FOXO1: variants seen among roughly 807,000 people sequenced by gnomAD.
FOXO1 encodes the protein forkhead box protein O1.
A neutral mutation model predicts 44.1 loss-of-function variants in FOXO1; 6 were observed. That is an observed-to-expected ratio of 0.14 (90% CI 0.07 to 0.27). The LOEUF is 0.27. Among genes scored for constraint, FOXO1 ranks in the 10% least tolerant of loss-of-function variants. The pLI is 1.00. For missense variants in FOXO1, 737 were observed against 888.8 expected, an observed-to-expected ratio of 0.83 and a Z score of 2.17; for synonymous variants, 380 against 362.7, an observed-to-expected ratio of 1.05 and a Z score of -0.54.
Position 40,665,886 on chromosome 13 carries a change from G to A in FOXO1, c.327C>T (p.Asp109=). The stretch of plus-strand genomic sequence containing the variant: ...GGCAGCCCGCCTCCGGGCCCTGGAA[G>A]TCCCCGCACAGCCCCCCGGTGGCGG... ...AAAATGGLCG[D]FQGPEAGCLH... The change falls in exon 1 of 3, where the codon GAC becomes GAT. Residue 109 remains aspartate (D), a synonymous_variant. Coordinates refer to ENST00000379561, the MANE Select transcript of FOXO1 (RefSeq NM_002015.4). 1 of 1,151,982 alleles carries A rather than the reference G, an allele frequency of 8.7e-7. No individual in the cohort carries two copies. The highest frequency in any genetic ancestry group is 1.1e-6 in the Non-Finnish European group (1 of 939,422). 71.4% of individuals were successfully genotyped at this position (1,151,982 alleles called of 1,614,324 possible). A position where few individuals can be genotyped will look rare whatever the true frequency, so the allele number is the denominator to read the frequency against.
At chr13:40,572,889 G>T (rs775433664) in intron 1 of FOXO1, among the ~76,000 whole-genome samples, 26 of 152,136 alleles carry the variant, frequency 1.7e-4, no homozygotes, top group Non-Finnish European at 3.7e-4. Context: ...TAATACAAAA[G>T]ACATGGTCCC....
chr13:40,569,252 G>A (rs552211031), intron 1 of FOXO1, among the ~76,000 whole-genome samples: 111 of 152,368 alleles, frequency 7.3e-4, no homozygotes, highest in Non-Finnish European at 1.3e-3. Context: ...CTGTGAGGCA[G>A]AACCGGAGGT....
At chr13:40,634,848 T>C (rs374997444) in intron 1 of FOXO1, among the ~76,000 whole-genome samples, 1 of 152,118 alleles carries the variant, frequency 6.6e-6, no homozygotes, top group East Asian at 1.9e-4. Flanking sequence ...CAGCTAATTT[T>C]TGTATTTTTA....
chr13:40,620,055 A>T (rs1876557048), intron 1 of FOXO1: 1 of 885,896 alleles, frequency 1.1e-6, no homozygotes, highest in African/African-American at 1.7e-5. Flanking sequence ...CCACTAGAAG[A>T]TCTGTCAGGA....
At chr13:40,629,877 G>A (rs1317980083) in intron 1 of FOXO1, among the ~76,000 whole-genome samples, 1 of 152,148 alleles carries the variant, frequency 6.6e-6, no homozygotes, top group Non-Finnish European at 1.5e-5. Context: ...AGTTGAGAAG[G>A]TTCAAGGCAA....
intron 1 of FOXO1, among the ~76,000 whole-genome samples, chr13:40,632,637 CAAAAAAAGAAAAGAA>C (rs1877004275): frequency 6.7e-6 from 1 of 149,672 alleles, no homozygotes; most frequent in Non-Finnish European, 1.5e-5. Context: ...GACTCCATTT[CAAAAAAAGAAAAGAA>C]AAAAAAAGAG....
In FOXO1 at chr13:40,666,227, CT is replaced by C; in HGVS notation, c.-16del. 7.2e-7 allele frequency: 1 copy of C among 1,389,766 alleles called. No individual in the cohort carries two copies. Among genetic ancestry groups the C allele is most frequent in the Non-Finnish European group, 9.3e-7 (1 of 1,072,884 alleles). 86.1% of individuals were successfully genotyped at this position (1,389,766 alleles called of 1,614,324 possible). A position where few individuals can be genotyped will look rare whatever the true frequency, so the allele number is the denominator to read the frequency against. On this transcript the variant is annotated 5_prime_UTR_variant, in exon 1 of 3. Transcript: ENST00000379561. ...GCCTCGGCCATGGTGACCCCCGCCCCTCCCCCAGCCGCAGGAGAGCCAAGAG... is the reference window on the plus strand; with the variant it reads ...GCCTCGGCCATGGTGACCCCCGCCCCCCCCCAGCCGCAGGAGAGCCAAGAG...
intron 1 of FOXO1, among the ~76,000 whole-genome samples, chr13:40,564,632 CA>C (rs1874189352): frequency 6.6e-6 from 1 of 152,210 alleles, no homozygotes; most frequent in Non-Finnish European, 1.5e-5. Flanking sequence ...GACTTCGCAG[CA>C]GAGCCGCGTG....
At chr13:40,599,176 T>C (rs543102174) in intron 1 of FOXO1, among the ~76,000 whole-genome samples, 9 of 145,070 alleles carry the variant, frequency 6.2e-5, no homozygotes, top group African/African-American at 2.0e-4. Flanking sequence ...AGATACCAAC[T>C]GAACAAAACA....
chr13:40,647,167 C>G (rs1192230883), intron 1 of FOXO1, among the ~76,000 whole-genome samples: 1 of 152,054 alleles, frequency 6.6e-6, no homozygotes, highest in African/African-American at 2.4e-5. Context: ...AGACTTTATC[C>G]CCAAGAGCAA....
At chr13:40,664,968 C>T (rs1184531575) in intron 1 of FOXO1, among the ~76,000 whole-genome samples, 1 of 151,934 alleles carries the variant, frequency 6.6e-6, no homozygotes, top group African/African-American at 2.4e-5. Flanking sequence ...ACGCCGGGCC[C>T]CCGGCACTCG....
Position 40,557,940 on chromosome 13 carries a change from A to C in FOXO1, c.*1109T>G, listed in dbSNP as rs1384300132. On this transcript the variant is annotated 3_prime_UTR_variant, in exon 3 of 3. Coordinates refer to ENST00000379561, the MANE Select transcript of FOXO1 (RefSeq NM_002015.4). ...GATGAAATTTCTTTAAAATACATACATAAAAACATATTAAGTTATCCTAAA... is the reference window on the plus strand; with the variant it reads ...GATGAAATTTCTTTAAAATACATACCTAAAAACATATTAAGTTATCCTAAA... The C allele has an allele frequency of 6.6e-6, 1 of 152,350 alleles. No individual in the cohort carries two copies. The highest frequency in any genetic ancestry group is 1.5e-5 in the Non-Finnish European group (1 of 68,044). 9.4% of individuals were successfully genotyped at this position (152,350 alleles called of 1,614,324 possible).
chr13:40,608,114 A>T (rs1876087989), intron 1 of FOXO1, among the ~76,000 whole-genome samples: 1 of 152,380 alleles, frequency 6.6e-6, no homozygotes, highest in South Asian at 2.1e-4. Flanking sequence ...ACACCACCAT[A>T]TAATCTCATA....
At chr13:40,565,934 T>C (rs1874252167) in intron 1 of FOXO1, among the ~76,000 whole-genome samples, 1 of 152,234 alleles carries the variant, frequency 6.6e-6, no homozygotes, top group Non-Finnish European at 1.5e-5. Context: ...AAAGATTGAC[T>C]GGTTTGGGAA....
chr13:40,587,357 A>T (rs1875207444), intron 1 of FOXO1, among the ~76,000 whole-genome samples: 1 of 152,124 alleles, frequency 6.6e-6, no homozygotes, highest in African/African-American at 2.4e-5. Context: ...AAGATTGATT[A>T]TCCGTGAAAG....
chr13:40,583,440 G>A (rs937442293), intron 1 of FOXO1, among the ~76,000 whole-genome samples: 2 of 152,140 alleles, frequency 1.3e-5, no homozygotes, highest in Non-Finnish European at 2.9e-5. Flanking sequence ...AGTCCTAGAT[G>A]GCATCTTCTT....
chr13:40,615,070 G>T (rs564959761), intron 1 of FOXO1, among the ~76,000 whole-genome samples: 27 of 152,276 alleles, frequency 1.8e-4, no homozygotes, highest in African/African-American at 6.5e-4. Context: ...GAATGCAGAG[G>T]TAGATAAAAT....
intron 1 of FOXO1, among the ~76,000 whole-genome samples, chr13:40,651,105 G>GTTTTTTT (rs777137995): frequency 1.5e-5 from 2 of 132,924 alleles, no homozygotes; most frequent in African/African-American, 5.9e-5. Flanking sequence ...TTTGTTTTTT[G>GTTTTTTT]TTTTTGTTTT....
intron 1 of FOXO1, among the ~76,000 whole-genome samples, chr13:40,623,511 T>A (rs1876685707): frequency 6.6e-6 from 1 of 152,144 alleles, no homozygotes; most frequent in Non-Finnish European, 1.5e-5. Context: ...AATTGGAAGT[T>A]CAACAGTTTT....
Sources: gnomAD v4.1 joint callset for allele counts (sites outside exome capture counted in the v4.1 genomes callset) on GRCh38, gnomAD v4.1.1 for gene constraint, MANE v1.5 for transcripts, NCBI Gene and HGNC (gene_info 2026-07-23, HGNC 2026-07-21) for gene names.